The following ASCC3 variants were observed in gnomAD, a reference collection of about 807,000 sequenced individuals.
ASCC3 encodes the protein activating signal cointegrator 1 complex subunit 3.
A neutral mutation model predicts 256.3 loss-of-function variants in ASCC3; 158 were observed. The observed-to-expected ratio is 0.62, with a 90% CI of 0.54 to 0.70. The LOEUF (loss-of-function observed/expected upper bound fraction) is 0.70. Among genes scored for constraint, ASCC3 ranks in the 30% least tolerant of loss-of-function variants. ASCC3 has a pLI of 0.00. For synonymous variants in ASCC3, 948 were observed against 883.4 expected, an observed-to-expected ratio of 1.07 and a Z score of -1.30; for missense variants, 2,259 against 2,626.0, an observed-to-expected ratio of 0.86 and a Z score of 3.05.
chr6:100,635,698 T>C (rs1438398686), intron 25 of ASCC3, among the ~76,000 whole-genome samples: 2 of 151,948 alleles, frequency 1.3e-5, no homozygotes, highest in African/African-American at 4.8e-5. Context: ...ACCTTAAATA[T>C]ACATAATTTT....
intron 20 of ASCC3, among the ~76,000 whole-genome samples, chr6:100,648,688 CA>C: frequency 6.6e-6 from 1 of 151,776 alleles, no homozygotes; most frequent in Non-Finnish European, 1.5e-5. Flanking sequence ...CTGTATCTAC[CA>C]AATAGGTTTT....
chr6:100,747,678 A>T (rs1024129796), intron 10 of ASCC3, among the ~76,000 whole-genome samples: 5 of 152,142 alleles, frequency 3.3e-5, no homozygotes, highest in African/African-American at 4.8e-5. Context: ...TTAAAAATGT[A>T]AACAAATCTG....
intron 34 of ASCC3, among the ~76,000 whole-genome samples, chr6:100,599,858 T>C (rs1772510146): frequency 6.6e-6 from 1 of 152,076 alleles, no homozygotes; most frequent in Non-Finnish European, 1.5e-5. Flanking sequence ...TACAGATCAG[T>C]AAAGCAACTG....
intron 30 of ASCC3, among the ~76,000 whole-genome samples, chr6:100,611,673 A>G (rs946117954): frequency 6.6e-6 from 1 of 152,008 alleles, no homozygotes; most frequent in Non-Finnish European, 1.5e-5. Context: ...AATACTAAAG[A>G]GTATAGTTTC....
intron 29 of ASCC3, among the ~76,000 whole-genome samples, chr6:100,626,639 T>C (rs566801670): frequency 3.5e-4 from 54 of 152,166 alleles, no homozygotes; most frequent in African/African-American, 1.3e-3. Context: ...TTATGAAAAA[T>C]AAACTCATTT....
In ASCC3 at chr6:100,679,826, T is replaced by A. The variant is rs551455910; in HGVS notation, c.2152-74A>T. 5.4e-6 allele frequency: 8 copies of A among 1,483,236 alleles called. No individual in the cohort carries two copies. The African/African-American group carries it at 9.7e-5, about 18-fold the overall frequency. The allele number at this position is 1,483,236 out of a possible 1,614,324, so 91.9% of individuals were successfully genotyped here. A position where few individuals can be genotyped will look rare whatever the true frequency, so the allele number is the denominator to read the frequency against. On this transcript the variant is annotated intron_variant, in intron 13 of 41. Transcript: ENST00000369162. ...CAGCTTAATAGTAGCCTGGATATCA[T>A]TCCATATAAACAACTATTAATTTCT...
intron 10 of ASCC3, among the ~76,000 whole-genome samples, chr6:100,737,478 TGTTTG>T (rs1780234262): frequency 2.0e-5 from 3 of 152,086 alleles, no homozygotes; most frequent in Admixed American, 6.5e-5. Context: ...GAATAGGTGG[TGTTTG>T]GTTTTCTGTT....
chr6:100,680,221 G>A (rs1313663903), intron 13 of ASCC3, among the ~76,000 whole-genome samples: 3 of 152,178 alleles, frequency 2.0e-5, no homozygotes, highest in East Asian at 3.8e-4. Context: ...GACTTCTGGA[G>A]ATAAAAATGC....
chr6:100,731,435 T>A (rs1464409253), intron 10 of ASCC3, among the ~76,000 whole-genome samples: 3 of 152,172 alleles, frequency 2.0e-5, no homozygotes, highest in African/African-American at 7.2e-5. Context: ...TTGAGAAAAA[T>A]ACAAAATTGT....
rs9498091 is a variant in ASCC3, at chr6:100,689,851, G to A, written c.2152-10099C>T. On this transcript the variant is annotated intron_variant, in intron 13 of 41. Transcript: ENST00000369162. ...TGCTGCTGATTAGTTTTTTGATAGTGTTATAGAAATACATGTATGCGTATT... is the reference window on the plus strand; with the variant it reads ...TGCTGCTGATTAGTTTTTTGATAGTATTATAGAAATACATGTATGCGTATT... Among the ~76,000 whole-genome samples, 1,027 of 152,076 alleles carry A rather than the reference G, an allele frequency of 6.8e-3. 13 individuals carry two copies. The highest frequency in any genetic ancestry group is 0.023 in the African/African-American group (974 of 41,498).
chr6:100,791,333 T>C (rs1582869991), intron 8 of ASCC3, among the ~76,000 whole-genome samples: 1 of 152,084 alleles, frequency 6.6e-6, no homozygotes, highest in South Asian at 2.1e-4. Flanking sequence ...AATCATGGCC[T>C]TCTTGACAGT....
intron 36 of ASCC3, among the ~76,000 whole-genome samples, chr6:100,550,636 G>T (rs1436940456): frequency 6.6e-6 from 1 of 151,826 alleles, no homozygotes; most frequent in African/African-American, 2.4e-5. Context: ...TGCACTTGTG[G>T]GGTTATTTGC....
At chr6:100,772,848 T>C (rs1329813912) in intron 8 of ASCC3, among the ~76,000 whole-genome samples, 1 of 152,210 alleles carries the variant, frequency 6.6e-6, no homozygotes, top group Non-Finnish European at 1.5e-5. Flanking sequence ...ATACTGCAAG[T>C]ATGACCCGCA....
At chr6:100,686,206 G>C (rs983005668) in intron 13 of ASCC3, among the ~76,000 whole-genome samples, 1 of 152,210 alleles carries the variant, frequency 6.6e-6, no homozygotes, top group East Asian at 1.9e-4. Flanking sequence ...ATTTACAATA[G>C]TGTGTGGTAC....
chr6:100,541,208 G>A lies in ASCC3; in HGVS notation c.5551-821C>T, dbSNP rs137945441. Reference sequence around the variant, plus strand: ...GGATGTTGATATGAATCCTACATCAGACATAGCATTAATTGGATATGTTAA... The same window carrying A: ...GGATGTTGATATGAATCCTACATCAAACATAGCATTAATTGGATATGTTAA... On this transcript the variant is annotated intron_variant, in intron 36 of 41. Coordinates refer to ENST00000369162, the MANE Select transcript of ASCC3 (RefSeq NM_006828.4). Among the ~76,000 whole-genome samples, 59 of 151,472 alleles carry A rather than the reference G, an allele frequency of 3.9e-4. 1 individual carries two copies. The highest frequency in any genetic ancestry group is 1.4e-3 in the African/African-American group (59 of 41,274).
chr6:100,622,058 G>T (rs879351337), intron 30 of ASCC3, among the ~76,000 whole-genome samples: 29 of 152,006 alleles, frequency 1.9e-4, no homozygotes, highest in Non-Finnish European at 3.5e-4. Flanking sequence ...TGGACATACG[G>T]GGGGAACTAC....
chr6:100,593,561 G>A (rs1371251415), intron 34 of ASCC3, among the ~76,000 whole-genome samples: 2 of 152,058 alleles, frequency 1.3e-5, no homozygotes, highest in African/African-American at 2.4e-5. Flanking sequence ...TACACCAAAC[G>A]GTTTGGATTT....
intron 13 of ASCC3, among the ~76,000 whole-genome samples, chr6:100,691,752 A>C (rs1253840556): frequency 2.6e-5 from 4 of 151,962 alleles, no homozygotes; most frequent in Admixed American, 2.0e-4. Context: ...AGACTAACTT[A>C]TCAAATTCTT....
At chr6:100,771,070 A>AT (rs1781894766) in intron 8 of ASCC3, among the ~76,000 whole-genome samples, 1 of 152,170 alleles carries the variant, frequency 6.6e-6, no homozygotes, top group Admixed American at 6.5e-5. Context: ...ACAGCAAGGT[A>AT]TTTACATAAA....
Sources: gnomAD v4.1 joint callset for allele counts (sites outside exome capture counted in the v4.1 genomes callset) on GRCh38, gnomAD v4.1.1 for gene constraint, MANE v1.5 for transcripts, NCBI Gene and HGNC (gene_info 2026-07-23, HGNC 2026-07-21) for gene names.